GMDS: variants seen among roughly 807,000 people sequenced by gnomAD.
The protein encoded by GMDS is GDP-mannose 4,6 dehydratase.
GMDS carries 20 observed loss-of-function variants against 49.9 expected under a neutral mutation model. That is an observed-to-expected ratio of 0.40 (90% CI 0.28 to 0.58). The LOEUF (loss-of-function observed/expected upper bound fraction) is 0.58, where lower values mean the gene tolerates loss of function less well. Ranked by LOEUF, GMDS falls within the 20% of genes least tolerant of loss-of-function variation. The pLI is 0.42. For missense variants in GMDS, 362 were observed against 481.4 expected, an observed-to-expected ratio of 0.75 and a Z score of 2.32; for synonymous variants, 177 against 178.6, an observed-to-expected ratio of 0.99 and a Z score of 0.07.
chr6:1,662,419 T>C (rs1399110855), intron 9 of GMDS, among the ~76,000 whole-genome samples: 3 of 152,100 alleles, frequency 2.0e-5, no homozygotes, highest in Admixed American at 6.5e-5. Context: ...GGAGAAATGA[T>C]AGCAGCACCG....
chr6:2,228,230 T>A (rs151014741), intron 1 of GMDS, among the ~76,000 whole-genome samples: 1 of 152,326 alleles, frequency 6.6e-6, no homozygotes, highest in East Asian at 1.9e-4. Context: ...ACCACTGATC[T>A]AAAAGGATCC....
At chr6:1,935,213 A>G (rs747638970) in intron 6 of GMDS, among the ~76,000 whole-genome samples, 5 of 152,202 alleles carry the variant, frequency 3.3e-5, no homozygotes, top group Non-Finnish European at 7.3e-5. Context: ...AAACCATTTA[A>G]CCACTCTGAA....
At chr6:2,041,001 TTTTA>T (rs2127427447) in intron 4 of GMDS, among the ~76,000 whole-genome samples, 1 of 152,318 alleles carries the variant, frequency 6.6e-6, no homozygotes, top group East Asian at 1.9e-4. Flanking sequence ...TTTATTAATC[TTTTA>T]TTTTAGGGGC....
chr6:1,762,363 C>G (rs1341122591), intron 7 of GMDS, among the ~76,000 whole-genome samples: 1 of 152,192 alleles, frequency 6.6e-6, no homozygotes, highest in Non-Finnish European at 1.5e-5. Flanking sequence ...TTACTCACGA[C>G]GAAACTTCAG....
intron 9 of GMDS, among the ~76,000 whole-genome samples, chr6:1,678,737 C>A (rs183746887): frequency 1.3e-5 from 2 of 152,274 alleles, no homozygotes; most frequent in Admixed American, 6.5e-5. Context: ...TTGTAATTAT[C>A]TTTCCACATG....
intron 7 of GMDS, among the ~76,000 whole-genome samples, chr6:1,911,134 G>A (rs1440689176): frequency 2.0e-5 from 3 of 151,840 alleles, no homozygotes; most frequent in Non-Finnish European, 2.9e-5. Context: ...TAATAGACAG[G>A]GCCCTCCAAG....
At chr6:1,758,012 T>C (rs1768016078) in intron 7 of GMDS, among the ~76,000 whole-genome samples, 2 of 152,232 alleles carry the variant, frequency 1.3e-5, no homozygotes, top group South Asian at 2.1e-4. Flanking sequence ...ACAGGACATC[T>C]CCACTCAGAA....
intron 6 of GMDS, among the ~76,000 whole-genome samples, chr6:1,942,819 G>A (rs1762882623): frequency 1.3e-5 from 2 of 152,182 alleles, no homozygotes; most frequent in Non-Finnish European, 2.9e-5. Context: ...TAAGCTTAGC[G>A]TGAGGTTCGC....
At chr6:2,244,721 C>T (rs1202629528) in intron 1 of GMDS, among the ~76,000 whole-genome samples, 6 of 152,222 alleles carry the variant, frequency 3.9e-5, no homozygotes, top group African/African-American at 1.4e-4. Context: ...CAACCTGAAT[C>T]TCAGAAGTTG....
chr6:1,913,467 G>A (rs1255621799), intron 7 of GMDS, among the ~76,000 whole-genome samples: 1 of 151,566 alleles, frequency 6.6e-6, no homozygotes, highest in Non-Finnish European at 1.5e-5. Context: ...TCAGTTTGCT[G>A]CCAAGGAAAT....
chr6:1,709,535 A>G (rs143401497), intron 9 of GMDS, among the ~76,000 whole-genome samples: 153 of 152,360 alleles, frequency 1.0e-3, no homozygotes, highest in Non-Finnish European at 2.0e-3. Context: ...GGCAAAGGCC[A>G]ACATCTCAGA....
At chr6:1,744,082 A>G (rs1290771775) in intron 7 of GMDS, among the ~76,000 whole-genome samples, 2 of 152,232 alleles carry the variant, frequency 1.3e-5, no homozygotes, top group Non-Finnish European at 2.9e-5. Flanking sequence ...AAATGCCACC[A>G]AAAAAGTTTA....
chr6:1,831,322 A>C (rs939996345), intron 7 of GMDS, among the ~76,000 whole-genome samples: 25 of 152,272 alleles, frequency 1.6e-4, no homozygotes, highest in African/African-American at 6.0e-4. Flanking sequence ...TGGATCTGCC[A>C]CTTACCAATG....
At chr6:1,815,492 T>C (rs749867571) in intron 7 of GMDS, among the ~76,000 whole-genome samples, 8 of 152,194 alleles carry the variant, frequency 5.3e-5, no homozygotes, top group Admixed American at 6.5e-5. Flanking sequence ...GCAACAGCCT[T>C]ATATGGAATT....
At chr6:1,810,026 C>T (rs1016174291) in intron 7 of GMDS, among the ~76,000 whole-genome samples, 4 of 122,436 alleles carry the variant, frequency 3.3e-5, no homozygotes, top group South Asian at 2.6e-4. Flanking sequence ...ACAGTTCCTT[C>T]GGTTACGCAG....
At chr6:2,014,274 A>AT (rs1310620767) in intron 4 of GMDS, among the ~76,000 whole-genome samples, 1 of 151,864 alleles carries the variant, frequency 6.6e-6, no homozygotes, top group Non-Finnish European at 1.5e-5. Flanking sequence ...AACAACAACC[A>AT]TAAAAAAAAA....
intron 4 of GMDS, among the ~76,000 whole-genome samples, chr6:2,045,829 T>C (rs2127432144): frequency 6.6e-6 from 1 of 152,296 alleles, no homozygotes; most frequent in Admixed American, 6.5e-5. Context: ...ATCCCATTTG[T>C]AAGTAATAAC....
chr6:1,658,963 T>C (rs1258019123), intron 9 of GMDS, among the ~76,000 whole-genome samples: 2 of 152,238 alleles, frequency 1.3e-5, no homozygotes, highest in Non-Finnish European at 2.9e-5. Flanking sequence ...AGAAGTCACG[T>C]GAGGCAGGTT....
intron 1 of GMDS, among the ~76,000 whole-genome samples, chr6:2,223,921 A>G (rs1780707363): frequency 6.6e-6 from 1 of 152,166 alleles, no homozygotes; most frequent in African/African-American, 2.4e-5. Context: ...AGTAGGAGAG[A>G]GTCAGGAATG....
Sources: allele counts gnomAD v4.1 joint callset (sites outside exome capture counted in the v4.1 genomes callset), GRCh38; gene constraint gnomAD v4.1.1; transcripts MANE v1.5; gene names NCBI Gene and HGNC (gene_info 2026-07-23, HGNC 2026-07-21).